RIPOR2: variants seen among roughly 807,000 people sequenced by gnomAD.
The protein encoded by RIPOR2 is RHO family interacting cell polarization regulator 2.
Under a neutral mutation model 114.5 loss-of-function variants are expected in RIPOR2, and 39 were observed. The observed-to-expected ratio is 0.34, with a 90% CI of 0.26 to 0.44. The LOEUF is 0.44. Among genes scored for constraint, RIPOR2 ranks in the 20% least tolerant of loss-of-function variants. The pLI, the probability that RIPOR2 is intolerant of heterozygous loss-of-function variation, is 1.00. For missense variants in RIPOR2, 1,007 were observed against 1,255.1 expected (o/e 0.80, Z 2.99); for synonymous variants, 445 against 484.4 (o/e 0.92, Z 1.07).
intron 1 of RIPOR2, among the ~76,000 whole-genome samples, chr6:24,928,173 CA>C (rs35261318): frequency 8.5e-5 from 13 of 152,156 alleles, no homozygotes; most frequent in Non-Finnish European, 1.8e-4. Context: ...TGCCCTACCT[CA>C]AAAACATTCT....
intron 1 of RIPOR2, among the ~76,000 whole-genome samples, chr6:25,025,730 A>C (rs969172420): frequency 6.6e-6 from 1 of 152,264 alleles, no homozygotes; most frequent in Admixed American, 6.5e-5. Context: ...ATGACTATGC[A>C]TATTCAACAC....
chr6:24,965,247 C>T (rs1773476226), intron 1 of RIPOR2, among the ~76,000 whole-genome samples: 1 of 152,152 alleles, frequency 6.6e-6, no homozygotes, highest in African/African-American at 2.4e-5. Context: ...AAGAGATCCT[C>T]CCACCACAGC....
At chr6:25,021,713 A>C (rs1446999170) in intron 1 of RIPOR2, among the ~76,000 whole-genome samples, 1 of 152,256 alleles carries the variant, frequency 6.6e-6, no homozygotes, top group African/African-American at 2.4e-5. Flanking sequence ...TGATGGGTCA[A>C]AATCTCACAA....
intron 1 of RIPOR2, among the ~76,000 whole-genome samples, chr6:24,930,469 G>T (rs900937851): frequency 4.6e-5 from 7 of 152,280 alleles, no homozygotes; most frequent in African/African-American, 1.7e-4. Flanking sequence ...GTCACTGGGG[G>T]CCATAAATCA....
At chr6:24,973,567 A>G (rs1299411737) in intron 1 of RIPOR2, among the ~76,000 whole-genome samples, 2 of 149,926 alleles carry the variant, frequency 1.3e-5, no homozygotes, top group Non-Finnish European at 3.0e-5. Context: ...ACTGCACTCT[A>G]GCCTAGTGAC....
chr6:24,902,480 G>C (rs1768568995), intron 1 of RIPOR2, among the ~76,000 whole-genome samples: 1 of 152,102 alleles, frequency 6.6e-6, no homozygotes. Context: ...GCCTCCCAAA[G>C]TGTAGGGATT....
chr6:25,033,059 C>T (rs1314461065), intron 1 of RIPOR2, among the ~76,000 whole-genome samples: 1 of 152,122 alleles, frequency 6.6e-6, no homozygotes, highest in African/African-American at 2.4e-5. Flanking sequence ...TAAAAATTAG[C>T]CGGGCATGGT....
chr6:24,866,451 A>G (rs1346089845), intron 6 of RIPOR2, among the ~76,000 whole-genome samples: 7 of 152,034 alleles, frequency 4.6e-5, no homozygotes, highest in Admixed American at 4.6e-4. Flanking sequence ...TAAACATCCT[A>G]TAATGCAGAG....
chr6:24,822,740 G>A (rs111990697), intron 19 of RIPOR2, among the ~76,000 whole-genome samples: 6 of 152,270 alleles, frequency 3.9e-5, no homozygotes, highest in African/African-American at 1.2e-4. Context: ...GGCTGGTCTC[G>A]AAGTCCTGGC....
At chr6:24,875,093 T>C (rs774762664) in intron 2 of RIPOR2, among the ~76,000 whole-genome samples, 3 of 152,216 alleles carry the variant, frequency 2.0e-5, no homozygotes, top group Non-Finnish European at 4.4e-5. Flanking sequence ...CTCTCTGCCA[T>C]CACCGTGTGC....
intron 1 of RIPOR2, chr6:24,910,854 C>G: frequency 3.0e-6 from 3 of 985,438 alleles, no homozygotes; most frequent in Non-Finnish European, 2.4e-6. Flanking sequence ...CAGGGGCACA[C>G]TCAGGGTTCT....
intron 1 of RIPOR2, among the ~76,000 whole-genome samples, chr6:25,007,136 T>C (rs2113667302): frequency 6.6e-6 from 1 of 152,324 alleles, no homozygotes; most frequent in East Asian, 1.9e-4. Flanking sequence ...TTATTATTAT[T>C]AGTCTTCTTA....
At chr6:24,846,161 C>CTATT (rs1044988742) in intron 12 of RIPOR2, among the ~76,000 whole-genome samples, 1 of 152,144 alleles carries the variant, frequency 6.6e-6, no homozygotes, top group Admixed American at 6.5e-5. Context: ...CATGAATATA[C>CTATT]ATGTTATGTT....
chr6:24,917,207 C>A (rs1399325740), intron 1 of RIPOR2, among the ~76,000 whole-genome samples: 2 of 151,964 alleles, frequency 1.3e-5, no homozygotes, highest in Non-Finnish European at 2.9e-5. Flanking sequence ...GTCCCAAGAC[C>A]ATTTTATGCT....
chr6:24,836,828 ACACTCTCTCT>A (rs1409101333), intron 14 of RIPOR2, among the ~76,000 whole-genome samples: 1 of 151,210 alleles, frequency 6.6e-6, no homozygotes, highest in Non-Finnish European at 1.5e-5. Context: ...ACACACACAC[ACACTCTCTCT>A]CTCTCTCTGT....
At chr6:24,828,376 A>G (rs1394314338) in intron 17 of RIPOR2, 81 bp from the exon 18 acceptor site, 1 of 1,232,480 alleles carries the variant, frequency 8.1e-7, no homozygotes, top group African/African-American at 1.6e-5. Context: ...TTTTATTTTT[A>G]TTTTTATTTT....
chr6:24,847,541 C>A, intron 12 of RIPOR2: 5 of 1,551,428 alleles, frequency 3.2e-6, no homozygotes, highest in Non-Finnish European at 4.4e-6. Flanking sequence ...GCCACACTCA[C>A]ATAGAGCTCT....
At chr6:24,807,816 G>A (rs1780872102) in intron 21 of RIPOR2, among the ~76,000 whole-genome samples, 1 of 152,116 alleles carries the variant, frequency 6.6e-6, no homozygotes, top group African/African-American at 2.4e-5. Context: ...TCCTTTAAGT[G>A]CCCGCAATGA....
intron 7 of RIPOR2, among the ~76,000 whole-genome samples, chr6:24,862,135 C>A (rs1247504125): frequency 6.6e-6 from 1 of 152,236 alleles, no homozygotes; most frequent in Non-Finnish European, 1.5e-5. Flanking sequence ...TACCTGAGGA[C>A]CTAAATAGAA....
Sources: gnomAD v4.1 joint callset for allele counts (sites outside exome capture counted in the v4.1 genomes callset) on GRCh38, gnomAD v4.1.1 for gene constraint, MANE v1.5 for transcripts, NCBI Gene and HGNC (gene_info 2026-07-23, HGNC 2026-07-21) for gene names.